PDZRN3: variants seen among roughly 807,000 people sequenced by gnomAD.
PDZRN3 encodes PDZ domain containing ring finger 3, also known as E3 ubiquitin-protein ligase PDZRN3.
Under a neutral mutation model 85.7 loss-of-function variants are expected in PDZRN3, and 38 were observed. The ratio of observed to expected loss-of-function variants is 0.44; its 90% CI spans 0.34 to 0.58. The LOEUF (loss-of-function observed/expected upper bound fraction) is 0.58, where lower values mean the gene tolerates loss of function less well. PDZRN3 is among the 20% of genes least tolerant of loss of function. PDZRN3 has a pLI of 0.01. For missense variants in PDZRN3, 1,629 were observed against 1,506.4 expected (o/e 1.08, Z -1.35); for synonymous variants, 759 against 638.0 (o/e 1.19, Z -2.86).
At chr3:73,582,111 G>A (rs1702211326) in intron 3 of PDZRN3, among the ~76,000 whole-genome samples, 1 of 152,044 alleles carries the variant, frequency 6.6e-6, no homozygotes, top group Non-Finnish European at 1.5e-5. Context: ...AAAAAGAAAA[G>A]AAAAACCGAC....
intron 3 of PDZRN3, among the ~76,000 whole-genome samples, chr3:73,447,161 A>G (rs1053011915): frequency 6.6e-6 from 1 of 150,988 alleles, no homozygotes; most frequent in South Asian, 2.1e-4. Flanking sequence ...CCCATCCCCA[A>G]ATTATTTTCA....
chr3:73,511,653 C>A (rs926324964), intron 3 of PDZRN3, among the ~76,000 whole-genome samples: 1 of 152,170 alleles, frequency 6.6e-6, no homozygotes, highest in Non-Finnish European at 1.5e-5. Context: ...CCTAAAGTAC[C>A]GTCCACCACG....
intron 3 of PDZRN3, among the ~76,000 whole-genome samples, chr3:73,461,888 T>C (rs540395195): frequency 6.6e-6 from 1 of 152,314 alleles, no homozygotes; most frequent in African/African-American, 2.4e-5. Flanking sequence ...AATTGCCTGG[T>C]TGTCATCTCC....
intron 3 of PDZRN3, among the ~76,000 whole-genome samples, chr3:73,470,477 G>A (rs1559696425): frequency 6.6e-6 from 1 of 152,176 alleles, no homozygotes; most frequent in East Asian, 1.9e-4. Flanking sequence ...AAAAGCTCAG[G>A]AAAGAGAAGT....
At chr3:73,569,496 C>T (rs1702012139) in intron 3 of PDZRN3, 2 of 1,074,608 alleles carry the variant, frequency 1.9e-6, no homozygotes, top group African/African-American at 1.7e-5. Flanking sequence ...TGCCTTTCTC[C>T]TCTTCTCTGC....
chr3:73,547,752 T>A, intron 3 of PDZRN3, among the ~76,000 whole-genome samples: 1 of 152,178 alleles, frequency 6.6e-6, no homozygotes, highest in East Asian at 1.9e-4. Flanking sequence ...ATTTCTGTTT[T>A]TGCTGAAGCT....
At chr3:73,543,852 A>G (rs1248970800) in intron 3 of PDZRN3, among the ~76,000 whole-genome samples, 1 of 152,264 alleles carries the variant, frequency 6.6e-6, no homozygotes, top group South Asian at 2.1e-4. Context: ...GAGATTCAGT[A>G]GTTTTAGCTG....
chr3:73,420,712 T>C (rs773460971), intron 3 of PDZRN3, among the ~76,000 whole-genome samples: 2 of 152,190 alleles, frequency 1.3e-5, no homozygotes, highest in African/African-American at 2.4e-5. Flanking sequence ...TTTGGAAGCC[T>C]GGCTGCCCCC....
At chr3:73,443,807 T>A (rs1702695144) in intron 3 of PDZRN3, among the ~76,000 whole-genome samples, 1 of 152,078 alleles carries the variant, frequency 6.6e-6, no homozygotes, top group Admixed American at 6.5e-5. Flanking sequence ...CTTTTTTTTT[T>A]AAAGCTATTC....
intron 3 of PDZRN3, among the ~76,000 whole-genome samples, chr3:73,477,363 T>G (rs1445763862): frequency 6.6e-6 from 1 of 152,212 alleles, no homozygotes; most frequent in South Asian, 2.1e-4. Context: ...CCAAGATCCA[T>G]CTTCTTAACT....
At chr3:73,565,463 A>G (rs1028659966) in intron 3 of PDZRN3, among the ~76,000 whole-genome samples, 12 of 152,122 alleles carry the variant, frequency 7.9e-5, no homozygotes, top group African/African-American at 1.7e-4. Context: ...TGAACAAGTC[A>G]CTTAATCTCT....
chr3:73,412,907 G>A (rs1227951028), intron 3 of PDZRN3, among the ~76,000 whole-genome samples: 1 of 152,158 alleles, frequency 6.6e-6, no homozygotes, highest in Non-Finnish European at 1.5e-5. Context: ...GGGCATCACT[G>A]GGGCTCCAGG....
At chr3:73,455,852 T>C (rs145170209) in intron 3 of PDZRN3, among the ~76,000 whole-genome samples, 1 of 152,348 alleles carries the variant, frequency 6.6e-6, no homozygotes, top group Non-Finnish European at 1.5e-5. Context: ...ATTTTCCTGA[T>C]GATGTTTGAG....
At chr3:73,517,530 T>C (rs1221846266) in intron 3 of PDZRN3, among the ~76,000 whole-genome samples, 1 of 152,212 alleles carries the variant, frequency 6.6e-6, no homozygotes, top group East Asian at 1.9e-4. Context: ...CAAAGGATGC[T>C]AAGAGATTCT....
chr3:73,384,637 G>C lies in PDZRN3; in HGVS notation c.1929C>G (p.Cys643Trp). The change falls in exon 10 of 10, where the codon TGC becomes TGG. Residue 643 changes from cysteine to tryptophan, a missense_variant. Coordinates refer to ENST00000263666, the MANE Select transcript of PDZRN3 (RefSeq NM_015009.3). ...ADYLGIPVDECERFRELLELK... is the reference protein window; with the variant it reads ...ADYLGIPVDEWERFRELLELK... ...GCTCCAGGAGCTCGCGGAAGCGCTC[G>C]CACTCGTCCACCGGGATCCCCAGGT... 1.2e-6 allele frequency: 2 copies of C among 1,613,810 alleles called. No homozygotes were observed. Among genetic ancestry groups the C allele is most frequent in the South Asian group, 1.1e-5 (1 of 91,082 alleles).
chr3:73,577,891 A>G (rs960682212), intron 3 of PDZRN3, among the ~76,000 whole-genome samples: 3 of 152,166 alleles, frequency 2.0e-5, no homozygotes, highest in Admixed American at 6.5e-5. Flanking sequence ...TGTGAATCAT[A>G]TTACTGGAAG....
At chr3:73,420,878 G>A (rs1702186584) in intron 3 of PDZRN3, among the ~76,000 whole-genome samples, 1 of 152,118 alleles carries the variant, frequency 6.6e-6, no homozygotes, top group Non-Finnish European at 1.5e-5. Flanking sequence ...CAGAGTATTT[G>A]CATCCTCCCA....
intron 3 of PDZRN3, among the ~76,000 whole-genome samples, chr3:73,528,368 T>C (rs764970805): frequency 3.3e-5 from 5 of 152,166 alleles, no homozygotes; most frequent in African/African-American, 9.6e-5. Flanking sequence ...GAATGGCCAA[T>C]GGAGGCAAGC....
rs1229978230 is a variant in PDZRN3 at position 73,486,371 on chromosome 3, T to C, written c.919-81976A>G. Among the ~76,000 whole-genome samples, 4 of 145,150 alleles carry C rather than the reference T, an allele frequency of 2.8e-5. No individual in the cohort carries two copies. The East Asian group carries it at 8.2e-4, about 30-fold the overall frequency. The stretch of plus-strand genomic sequence containing the variant: ...GGCTTTGGAGCTGGCAGGGCACTCA[T>C]AGAATGGAGAAGAGCATGAGGTGGA... On this transcript the variant is annotated intron_variant, in intron 3 of 9. Transcript: ENST00000263666.
Sources: gnomAD v4.1 joint callset for allele counts (sites outside exome capture counted in the v4.1 genomes callset) on GRCh38, gnomAD v4.1.1 for gene constraint, MANE v1.5 for transcripts, NCBI Gene and HGNC (gene_info 2026-07-23, HGNC 2026-07-21) for gene names.